The following CNTNAP5 variants were observed in gnomAD, a reference collection of about 807,000 sequenced individuals.
CNTNAP5 encodes contactin-associated protein-like 5.
CNTNAP5 carries 72 observed loss-of-function variants against 150.2 expected under a neutral mutation model. That is an observed-to-expected ratio of 0.48 (90% CI 0.40 to 0.58). CNTNAP5 has a LOEUF of 0.58. Among genes scored for constraint, CNTNAP5 ranks in the 20% least tolerant of loss-of-function variants. CNTNAP5 has a pLI of 0.00. For synonymous variants in CNTNAP5, 672 were observed against 619.8 expected, an observed-to-expected ratio of 1.08 and a Z score of -1.25; for missense variants, 1,636 against 1,626.2, an observed-to-expected ratio of 1.01 and a Z score of -0.10.
At position 124,322,829 on chromosome 2, in the gene CNTNAP5, C is replaced by G. The variant is rs76087193; in HGVS notation, c.381+80436C>G. ...CCTCACCAGGCAGAACTACTGTCTA[C>G]TTGCAGTCCTCATGCTGCCTCTCTA... is the stretch of plus-strand genomic sequence containing the variant. On this transcript the variant is annotated intron_variant, in intron 3 of 23. Transcript: ENST00000682447. 3.9e-5 allele frequency among the ~76,000 whole-genome samples: 6 copies of G among 152,320 alleles called. No homozygotes were observed. The East Asian group carries it at 1.2e-3, about 29-fold the overall frequency.
chr2:124,311,260 T>G (rs1158357988), intron 3 of CNTNAP5, among the ~76,000 whole-genome samples: 1 of 152,152 alleles, frequency 6.6e-6, no homozygotes, highest in Non-Finnish European at 1.5e-5. Flanking sequence ...CAATAGAAAT[T>G]TATATTCTTA....
At chr2:124,480,579 C>A (rs1015980110) in intron 7 of CNTNAP5, among the ~76,000 whole-genome samples, 1 of 152,152 alleles carries the variant, frequency 6.6e-6, no homozygotes, top group African/African-American at 2.4e-5. Flanking sequence ...CCCTGTGACC[C>A]AAAACCTCAT....
At chr2:124,342,569 G>A in intron 3 of CNTNAP5, among the ~76,000 whole-genome samples, 1 of 152,120 alleles carries the variant, frequency 6.6e-6, no homozygotes, top group South Asian at 2.1e-4. Context: ...TAATATAACA[G>A]TGTTTCCAAT....
In CNTNAP5 at chr2:124,725,178, A is replaced by AT. The variant is rs559999766; in HGVS notation, c.2078-22044dup. 3.0e-3 allele frequency among the ~76,000 whole-genome samples: 451 copies of AT among 151,842 alleles called. 3 individuals carry two copies. The highest frequency in any genetic ancestry group is 0.01 in the African/African-American group (426 of 41,436). On this transcript the variant is annotated intron_variant, in intron 13 of 23. Transcript: ENST00000682447. ...TGTGTGTAAGAAATGTGTGATGATG[A>AT]TTTTTTTCTTTTATTGCCAAAATTG...
chr2:124,419,679 T>C (rs569828760), intron 4 of CNTNAP5, among the ~76,000 whole-genome samples: 1 of 152,126 alleles, frequency 6.6e-6, no homozygotes, highest in Non-Finnish European at 1.5e-5. Flanking sequence ...CCTTGGGGAG[T>C]TGTCGGACAC....
chr2:124,168,491 T>C (rs965017040), intron 1 of CNTNAP5, among the ~76,000 whole-genome samples: 2 of 152,180 alleles, frequency 1.3e-5, no homozygotes, highest in Non-Finnish European at 2.9e-5. Context: ...CTTGTAAACA[T>C]TCAGATGGAT....
intron 10 of CNTNAP5, among the ~76,000 whole-genome samples, chr2:124,539,089 C>A (rs1695316155): frequency 6.6e-6 from 1 of 152,170 alleles, no homozygotes. Context: ...TTATAAGCAC[C>A]ATTTATAGAC....
rs369335438 is a variant in CNTNAP5 at position 124,598,841 on chromosome 2, T to C, written c.1757-10960T>C. On this transcript the variant is annotated intron_variant, in intron 11 of 23. Transcript: ENST00000682447. ...TCCGAGCCAGGTGTGGGATATAGTC[T>C]TGTGGTGCGCCGTTTTTTAAGCCGG... 1.4e-4 allele frequency among the ~76,000 whole-genome samples: 21 copies of C among 152,338 alleles called. No homozygotes were observed. The South Asian group carries it at 3.3e-3, about 24-fold the overall frequency.
chr2:124,356,190 G>A lies in CNTNAP5; in HGVS notation c.382-61253G>A, dbSNP rs542413692. Among the ~76,000 whole-genome samples, 5 of 151,974 alleles carry A rather than the reference G, an allele frequency of 3.3e-5. No homozygotes were observed. The East Asian group carries it at 7.7e-4, about 23-fold the overall frequency. On this transcript the variant is annotated intron_variant, in intron 3 of 23. Transcript: ENST00000682447. ...AAAATTATAACAAATATTTTAGAAG[G>A]TATAAAAATAAAAGATAATATCCTG...
intron 13 of CNTNAP5, among the ~76,000 whole-genome samples, chr2:124,701,396 T>C (rs751830572): frequency 2.0e-5 from 3 of 152,158 alleles, no homozygotes; most frequent in East Asian, 3.9e-4. Flanking sequence ...ATTGTATATA[T>C]GTACCTCAGT....
At chr2:124,213,556 T>G (rs1482504694) in intron 1 of CNTNAP5, among the ~76,000 whole-genome samples, 2 of 152,210 alleles carry the variant, frequency 1.3e-5, no homozygotes. Flanking sequence ...AGCCTGACCC[T>G]TTATATTTGC....
At chr2:124,724,746 G>C (rs561460698) in intron 13 of CNTNAP5, among the ~76,000 whole-genome samples, 1 of 151,924 alleles carries the variant, frequency 6.6e-6, no homozygotes, top group East Asian at 1.9e-4. Context: ...CTCACCCAAA[G>C]CCCAGCTCAA....
At chr2:124,706,937 AAGAAGGAGGAGG>A (rs1330121472) in intron 13 of CNTNAP5, among the ~76,000 whole-genome samples, 9 of 101,008 alleles carry the variant, frequency 8.9e-5, no homozygotes, top group African/African-American at 1.4e-4. Flanking sequence ...GAAGAAGAAG[AAGAAGGAGGAGG>A]AGGAGGAGGA....
intron 21 of CNTNAP5, among the ~76,000 whole-genome samples, chr2:124,889,680 G>A (rs1023676164): frequency 1.3e-5 from 2 of 152,042 alleles, no homozygotes; most frequent in Non-Finnish European, 2.9e-5. Flanking sequence ...AAACTAAAAT[G>A]CAAACACACT....
At chr2:124,828,606 A>G (rs1682647318) in intron 19 of CNTNAP5, among the ~76,000 whole-genome samples, 1 of 151,938 alleles carries the variant, frequency 6.6e-6, no homozygotes, top group South Asian at 2.1e-4. Flanking sequence ...TCTTAGTCCT[A>G]TCTAAGCTGT....
chr2:124,078,520 A>C (rs1389725234), intron 1 of CNTNAP5, among the ~76,000 whole-genome samples: 1 of 152,200 alleles, frequency 6.6e-6, no homozygotes, highest in African/African-American at 2.4e-5. Context: ...TTAATTTCAA[A>C]TTATGACTTG....
chr2:124,822,625 T>G (rs937896029), intron 19 of CNTNAP5, among the ~76,000 whole-genome samples: 4 of 152,116 alleles, frequency 2.6e-5, no homozygotes, highest in African/African-American at 9.7e-5. Flanking sequence ...CTGCAGACAA[T>G]GAAATGAGAG....
chr2:124,493,965 TAC>T (rs58843895), intron 7 of CNTNAP5, among the ~76,000 whole-genome samples: 9,166 of 143,756 alleles, frequency 0.064, 401 homozygotes, highest in African/African-American at 0.13. Context: ...AAACCATAAA[TAC>T]ACACACACAC....
At chr2:124,357,399 G>T (rs965467478) in intron 3 of CNTNAP5, among the ~76,000 whole-genome samples, 11 of 151,898 alleles carry the variant, frequency 7.2e-5, no homozygotes, top group Non-Finnish European at 1.5e-4. Flanking sequence ...TGTCCTGAAT[G>T]GTAATGCCTA....
Sources: gnomAD v4.1 joint callset for allele counts (sites outside exome capture counted in the v4.1 genomes callset) on GRCh38, gnomAD v4.1.1 for gene constraint, MANE v1.5 for transcripts, NCBI Gene and HGNC (gene_info 2026-07-23, HGNC 2026-07-21) for gene names.